CSMD1: variants seen among roughly 807,000 people sequenced by gnomAD.
The protein encoded by CSMD1 is CUB and Sushi multiple domains 1.
CSMD1 carries 213 observed loss-of-function variants against 417.5 expected under a neutral mutation model. The observed-to-expected ratio is 0.51, with a 90% confidence interval of 0.46 to 0.57. The LOEUF (loss-of-function observed/expected upper bound fraction) is 0.57. Ranked by LOEUF, CSMD1 falls within the 20% of genes least tolerant of loss-of-function variation. CSMD1 has a pLI of 0.00. For synonymous variants in CSMD1, 2,862 were observed against 1,736.8 expected, an observed-to-expected ratio of 1.65 and a Z score of -16.11; for missense variants, 6,923 against 4,529.7, an observed-to-expected ratio of 1.53 and a Z score of -15.17.
In CSMD1 at chr8:3,367,129, A is replaced by T. The variant is rs767193836; in HGVS notation, c.3018T>A (p.His1006Gln). The T allele has an allele frequency of 2.5e-6, 4 of 1,613,674 alleles. No individual in the cohort carries two copies. The African/African-American group carries it at 4.0e-5, about 16-fold the overall frequency. The change falls in exon 20 of 70, where the codon CAT (histidine) becomes CAA (glutamine). Residue 1006 changes from histidine (H) to glutamine (Q), a missense_variant. By Grantham distance (24) the His-to-Gln change is conservative. Coordinates refer to ENST00000635120, the MANE Select transcript of CSMD1 (RefSeq NM_033225.6). ...VARLTGSVLP[H>Q]TIKAGLFGNF... ...TTCCAAACAGGCCTGCCTTGATCGT[A>T]TGAGGCAACACCGACCCGGTGAGCC...
At chr8:4,582,397 C>T (rs1176013434) in intron 2 of CSMD1, among the ~76,000 whole-genome samples, 1 of 152,158 alleles carries the variant, frequency 6.6e-6, no homozygotes, top group African/African-American at 2.4e-5. Flanking sequence ...GAGAGATTAT[C>T]AGGGCTGCAA....
intron 5 of CSMD1, among the ~76,000 whole-genome samples, chr8:3,825,333 C>G (rs928557056): frequency 6.6e-6 from 1 of 152,118 alleles, no homozygotes; most frequent in Non-Finnish European, 1.5e-5. Flanking sequence ...AGCTCGAGAC[C>G]AGCTTGGCCA....
chr8:3,646,827 T>G (rs966499158), intron 7 of CSMD1, among the ~76,000 whole-genome samples: 14 of 152,056 alleles, frequency 9.2e-5, no homozygotes, highest in African/African-American at 3.1e-4. Context: ...CCCTGCCTCC[T>G]CCCACCCGCT....
intron 5 of CSMD1, among the ~76,000 whole-genome samples, chr8:3,868,598 G>T (rs151240922): frequency 1.3e-5 from 2 of 152,078 alleles, no homozygotes; most frequent in Non-Finnish European, 2.9e-5. Flanking sequence ...CTCAGCTCAC[G>T]CAATAGGACC....
chr8:4,013,988 A>G (rs1372494822), intron 4 of CSMD1, among the ~76,000 whole-genome samples: 1 of 152,156 alleles, frequency 6.6e-6, no homozygotes, highest in Non-Finnish European at 1.5e-5. Flanking sequence ...CGTTCCTTGG[A>G]AGAAAGAATT....
intron 3 of CSMD1, among the ~76,000 whole-genome samples, chr8:4,268,312 C>T (rs1011296381): frequency 3.3e-5 from 5 of 152,004 alleles, no homozygotes; most frequent in African/African-American, 1.2e-4. Context: ...CATATAAAAC[C>T]ATTATGACCT....
At chr8:2,997,784 G>C (rs1453722236) in intron 54 of CSMD1, among the ~76,000 whole-genome samples, 1 of 152,164 alleles carries the variant, frequency 6.6e-6, no homozygotes, top group Non-Finnish European at 1.5e-5. Flanking sequence ...TTATCTTTAA[G>C]GGAGATAATT....
intron 3 of CSMD1, among the ~76,000 whole-genome samples, chr8:4,221,227 T>C (rs1315997353): frequency 6.6e-6 from 1 of 152,116 alleles, no homozygotes; most frequent in Non-Finnish European, 1.5e-5. Context: ...AAATACAACA[T>C]ATATAAAATG....
chr8:4,421,178 A>G (rs570331379), intron 2 of CSMD1, among the ~76,000 whole-genome samples: 21 of 152,332 alleles, frequency 1.4e-4, no homozygotes, highest in Non-Finnish European at 2.1e-4. Context: ...ACTGCTTTGT[A>G]CTTTATGTGT....
chr8:3,690,539 T>A (rs988413183), intron 7 of CSMD1, among the ~76,000 whole-genome samples: 1 of 152,218 alleles, frequency 6.6e-6, no homozygotes, highest in Admixed American at 6.5e-5. Flanking sequence ...TTAGTCATCA[T>A]CTACTTTTCA....
At chr8:4,307,510 T>G (rs904468671) in intron 3 of CSMD1, among the ~76,000 whole-genome samples, 1 of 152,316 alleles carries the variant, frequency 6.6e-6, no homozygotes, top group South Asian at 2.1e-4. Context: ...TACCCTGTTA[T>G]GTCAACCATG....
chr8:4,947,889 G>T (rs1222225863), intron 1 of CSMD1, among the ~76,000 whole-genome samples: 1 of 152,006 alleles, frequency 6.6e-6, no homozygotes, highest in African/African-American at 2.4e-5. Flanking sequence ...ATTGCAAGGT[G>T]TGCGTCCATT....
At chr8:3,945,612 T>C (rs1358280965) in intron 5 of CSMD1, among the ~76,000 whole-genome samples, 1 of 152,132 alleles carries the variant, frequency 6.6e-6, no homozygotes, top group Non-Finnish European at 1.5e-5. Flanking sequence ...TTAGGCAAAC[T>C]AATGTACTGG....
At chr8:3,362,419 T>A (rs150228746) in intron 20 of CSMD1, among the ~76,000 whole-genome samples, 13 of 152,298 alleles carry the variant, frequency 8.5e-5, no homozygotes, top group Non-Finnish European at 1.6e-4. Context: ...TCTTACTAAG[T>A]AGGTTTTAAT....
At chr8:3,954,530 A>G (rs1366754745) in intron 5 of CSMD1, among the ~76,000 whole-genome samples, 1 of 151,886 alleles carries the variant, frequency 6.6e-6, no homozygotes, top group Admixed American at 6.6e-5. Context: ...CCACTCCCAG[A>G]TAATTTTTTT....
intron 7 of CSMD1, among the ~76,000 whole-genome samples, chr8:3,670,675 T>G (rs12542589): frequency 8.8e-6 from 1 of 113,850 alleles, no homozygotes; most frequent in Non-Finnish European, 2.0e-5. Flanking sequence ...ATGTACATGG[T>G]TATATATGTA....
chr8:4,274,715 T>C (rs139766873), intron 3 of CSMD1, among the ~76,000 whole-genome samples: 347 of 152,286 alleles, frequency 2.3e-3, no homozygotes, highest in Non-Finnish European at 3.9e-3. Flanking sequence ...GTCAACATAA[T>C]ACATAGCATT....
At chr8:4,202,956 GGGA>G (rs1380736106) in intron 3 of CSMD1, among the ~76,000 whole-genome samples, 2 of 152,082 alleles carry the variant, frequency 1.3e-5, no homozygotes, top group African/African-American at 2.4e-5. Context: ...TTGCAGTTGT[GGGA>G]GGAGAACGAT....
intron 1 of CSMD1, among the ~76,000 whole-genome samples, chr8:4,897,398 A>C (rs979379538): frequency 3.9e-5 from 6 of 152,102 alleles, no homozygotes; most frequent in African/African-American, 1.2e-4. Context: ...AACAGGAAAA[A>C]AGTTACAACA....
Sources: allele counts gnomAD v4.1 joint callset (sites outside exome capture counted in the v4.1 genomes callset), GRCh38; gene constraint gnomAD v4.1.1; transcripts MANE v1.5; gene names NCBI Gene and HGNC (gene_info 2026-07-23, HGNC 2026-07-21).